Variants in PACRG observed in about 807,000 individuals in gnomAD.
The protein encoded by PACRG is parkin coregulated gene protein.
PACRG carries 29 observed loss-of-function variants against 29.7 expected under a neutral mutation model. The ratio of observed to expected loss-of-function variants is 0.98; its 90% CI spans 0.73 to 1.33. The LOEUF (loss-of-function observed/expected upper bound fraction) is 1.33. Among genes scored for constraint, PACRG ranks in the 40% most tolerant of loss-of-function variants. The probability of loss-of-function intolerance (pLI) is 0.00; values close to 1 mark genes in which losing one functional copy is unlikely to be tolerated. For synonymous variants in PACRG, 116 were observed against 118.7 expected (o/e 0.98, Z 0.15); for missense variants, 279 against 316.2 (o/e 0.88, Z 0.89).
chr6:162,933,202 G>A (rs1296869472), intron 2 of PACRG, among the ~76,000 whole-genome samples: 1 of 151,996 alleles, frequency 6.6e-6, no homozygotes, highest in Admixed American at 6.6e-5. Flanking sequence ...TTATTACATT[G>A]TGATGTGAGA....
intron 2 of PACRG, among the ~76,000 whole-genome samples, chr6:163,011,011 G>A (rs1465234544): frequency 6.6e-6 from 1 of 152,140 alleles, no homozygotes; most frequent in Non-Finnish European, 1.5e-5. Context: ...CTGCACATAG[G>A]TGCTCTCAGG....
intron 1 of PACRG, among the ~76,000 whole-genome samples, chr6:162,813,567 A>T (rs992127806): frequency 6.6e-6 from 1 of 152,066 alleles, no homozygotes; most frequent in Non-Finnish European, 1.5e-5. Flanking sequence ...TTTCTTGTGA[A>T]TTCATGTTAC....
chr6:163,102,416 A>T (rs1199526493), intron 4 of PACRG, among the ~76,000 whole-genome samples: 5 of 152,218 alleles, frequency 3.3e-5, no homozygotes, highest in Non-Finnish European at 1.5e-5. Context: ...CACCATCAAC[A>T]TAACCCTCCT....
intron 2 of PACRG, among the ~76,000 whole-genome samples, chr6:162,898,034 T>C (rs2128052540): frequency 6.6e-6 from 1 of 152,268 alleles, no homozygotes; most frequent in East Asian, 1.9e-4. Context: ...ACAGACACTT[T>C]CCCAACTCTC....
intron 2 of PACRG, among the ~76,000 whole-genome samples, chr6:163,048,183 G>A (rs1025091189): frequency 1.3e-5 from 2 of 151,816 alleles, no homozygotes; most frequent in African/African-American, 4.8e-5. Context: ...TACTTTTCTT[G>A]TGTTACCACA....
At chr6:162,825,126 AG>A (rs1788168822) in intron 2 of PACRG, among the ~76,000 whole-genome samples, 1 of 152,194 alleles carries the variant, frequency 6.6e-6, no homozygotes, top group Non-Finnish European at 1.5e-5. Flanking sequence ...ACCTTTAGGT[AG>A]TCAATCCACA....
intron 2 of PACRG, among the ~76,000 whole-genome samples, chr6:162,827,277 C>T (rs923098177): frequency 6.6e-6 from 1 of 152,152 alleles, no homozygotes; most frequent in Non-Finnish European, 1.5e-5. Context: ...ATAATTTCAA[C>T]ACTGCATTAT....
At chr6:162,799,980 A>T (rs1785721562) in intron 1 of PACRG, among the ~76,000 whole-genome samples, 1 of 152,164 alleles carries the variant, frequency 6.6e-6, no homozygotes, top group Admixed American at 6.5e-5. Context: ...TTCTCCTTTC[A>T]CATTTGGCTC....
chr6:163,117,758 A>G (rs1163920498), intron 4 of PACRG, among the ~76,000 whole-genome samples: 4 of 152,056 alleles, frequency 2.6e-5, no homozygotes, highest in Non-Finnish European at 1.5e-5. Flanking sequence ...TCTCAAAAAA[A>G]AAAAAAAAAA....
At chr6:162,962,663 C>A (rs935458021) in intron 2 of PACRG, among the ~76,000 whole-genome samples, 3 of 152,194 alleles carry the variant, frequency 2.0e-5, no homozygotes, top group African/African-American at 7.2e-5. Context: ...TCATCAGGAA[C>A]CACATCTGCC....
rs189069032 is a variant in PACRG at position 163,058,712 on chromosome 6, C to T, written c.292-3438C>T. 5.4e-3 allele frequency among the ~76,000 whole-genome samples: 820 copies of T among 152,248 alleles called. 5 individuals are homozygous for T. Among genetic ancestry groups the T allele is most frequent in the African/African-American group, 0.018 (752 of 41,556 alleles). On this transcript the variant is annotated intron_variant, in intron 2 of 4. Coordinates refer to ENST00000366888, the MANE Select transcript of PACRG (RefSeq NM_001080379.2). ...GAGATCGAGACCCTCCTGGCTAACACGGTGAAACCCCGTCTCTACTAAACA... is the reference window on the plus strand; with the variant it reads ...GAGATCGAGACCCTCCTGGCTAACATGGTGAAACCCCGTCTCTACTAAACA...
At chr6:163,179,171 C>A (rs901075081) in intron 4 of PACRG, 1 of 455,824 alleles carries the variant, frequency 2.2e-6, no homozygotes, top group Admixed American at 2.4e-5. Flanking sequence ...TAGCTTGGCT[C>A]ACACTGATGT....
At chr6:162,766,366 C>T (rs1245470281) in intron 1 of PACRG, among the ~76,000 whole-genome samples, 8 of 152,250 alleles carry the variant, frequency 5.3e-5, no homozygotes, top group East Asian at 1.9e-4. Context: ...TTACCTTTCT[C>T]ATGTTGTCGC....
At chr6:162,917,746 C>G (rs906939838) in intron 2 of PACRG, among the ~76,000 whole-genome samples, 1 of 152,064 alleles carries the variant, frequency 6.6e-6, no homozygotes, top group Non-Finnish European at 1.5e-5. Context: ...TCCTGTCCAC[C>G]CACTCCTGCA....
At chr6:163,247,951 G>A (rs1405133609) in intron 4 of PACRG, among the ~76,000 whole-genome samples, 3 of 152,114 alleles carry the variant, frequency 2.0e-5, no homozygotes, top group African/African-American at 4.8e-5. Context: ...ACATTGGCAC[G>A]GTAGAGACAC....
chr6:162,995,058 T>G (rs1803852684), intron 2 of PACRG, among the ~76,000 whole-genome samples: 1 of 151,188 alleles, frequency 6.6e-6, no homozygotes, highest in Non-Finnish European at 1.5e-5. Flanking sequence ...TGCTCAGGGG[T>G]CAGGGGTCAG....
At chr6:162,841,820 A>T (rs1383749898) in intron 2 of PACRG, among the ~76,000 whole-genome samples, 1 of 152,046 alleles carries the variant, frequency 6.6e-6, no homozygotes, top group African/African-American at 2.4e-5. Flanking sequence ...GGTTTCAAAG[A>T]ACATCTTTAT....
intron 4 of PACRG, among the ~76,000 whole-genome samples, chr6:163,100,345 G>A (rs145996838): frequency 6.6e-6 from 1 of 152,304 alleles, no homozygotes; most frequent in Non-Finnish European, 1.5e-5. Context: ...CGCCCGGCGT[G>A]CTGCCCGGAC....
chr6:163,217,513 G>A (rs1447524532), intron 4 of PACRG, among the ~76,000 whole-genome samples: 1 of 152,214 alleles, frequency 6.6e-6, no homozygotes, highest in Non-Finnish European at 1.5e-5. Flanking sequence ...ATACCCCGAG[G>A]GTAGGGGTTC....
Sources: gnomAD v4.1 joint callset for allele counts (sites outside exome capture counted in the v4.1 genomes callset) on GRCh38, gnomAD v4.1.1 for gene constraint, MANE v1.5 for transcripts, NCBI Gene and HGNC (gene_info 2026-07-23, HGNC 2026-07-21) for gene names.